Variants in DLGAP1 observed in about 807,000 individuals in gnomAD.
The protein encoded by DLGAP1 is DLG associated protein 1.
DLGAP1 carries 11 observed loss-of-function variants against 90.8 expected under a neutral mutation model. The observed-to-expected ratio is 0.12, with a 90% CI of 0.08 to 0.20. The LOEUF is 0.20. Ranked by LOEUF, DLGAP1 falls within the 10% of genes least tolerant of loss-of-function variation. The pLI is 1.00. For missense variants in DLGAP1, 1,050 were observed against 1,333.8 expected (o/e 0.79, Z 3.31); for synonymous variants, 558 against 540.7 (o/e 1.03, Z -0.44).
intron 9 of DLGAP1, among the ~76,000 whole-genome samples, chr18:3,544,445 C>A (rs2052893874): frequency 6.6e-6 from 1 of 151,980 alleles, no homozygotes; most frequent in Middle Eastern, 3.2e-3. Context: ...AGCAGTCATG[C>A]CCTATAAGAA....
chr18:3,514,537 T>A (rs2050719860), intron 10 of DLGAP1, among the ~76,000 whole-genome samples: 1 of 152,192 alleles, frequency 6.6e-6, no homozygotes. Context: ...GTATGTTTCA[T>A]TTTAGTCTAA....
rs1461420535 is a variant in DLGAP1 at position 4,203,889 on chromosome 18, CGAG to C, written c.-266-52605_-266-52603del. 4.6e-5 allele frequency among the ~76,000 whole-genome samples: 7 copies of C among 152,260 alleles called. No homozygotes were observed. The East Asian group carries it at 1.4e-3, about 29-fold the overall frequency. On this transcript the variant is annotated intron_variant, in intron 1 of 12. Coordinates refer to ENST00000315677, the MANE Select transcript of DLGAP1 (RefSeq NM_004746.4). Reference sequence around the variant, plus strand: ...CAGAAGAGCAGCTTCCTACTCAGCCCGAGGAGGTCAGAAAGAACTCAGAAGAGG... The same window carrying C: ...CAGAAGAGCAGCTTCCTACTCAGCCCGAGGTCAGAAAGAACTCAGAAGAGG...
At chr18:4,244,767 T>C (rs2078619269) in intron 1 of DLGAP1, among the ~76,000 whole-genome samples, 1 of 152,210 alleles carries the variant, frequency 6.6e-6, no homozygotes. Context: ...GGATATAGGA[T>C]GGAATTGCTT....
intron 4 of DLGAP1, chr18:3,821,765 G>T (rs1220109748): frequency 2.1e-5 from 7 of 340,566 alleles, no homozygotes; most frequent in Non-Finnish European, 2.9e-5. Flanking sequence ...CATCCCAACA[G>T]CGTTTTAGCA....
At chr18:3,927,631 CTGAAAACAGAAACCTA>C in intron 3 of DLGAP1, among the ~76,000 whole-genome samples, 1 of 152,088 alleles carries the variant, frequency 6.6e-6, no homozygotes, top group Non-Finnish European at 1.5e-5. Context: ...AGTTTTGATG[CTGAAAACAGAAACCTA>C]TATCTGCTAG....
intron 1 of DLGAP1, among the ~76,000 whole-genome samples, chr18:4,213,587 T>G (rs1235203432): frequency 6.6e-6 from 1 of 152,154 alleles, no homozygotes; most frequent in Non-Finnish European, 1.5e-5. Flanking sequence ...CTTGGACATT[T>G]TATATCAGAA....
rs373939141 is a variant in DLGAP1, at chr18:3,567,471, T to G, written c.2057+19A>C. ...TTCAAAACATCAAGACAAAAGAGGA[T>G]GCGTGCATGTGGACTTACCACTTCT... On this transcript the variant is annotated intron_variant, in intron 9 of 12. Coordinates refer to ENST00000315677, the MANE Select transcript of DLGAP1 (RefSeq NM_004746.4). The G allele has an allele frequency of 1.9e-6, 3 of 1,594,582 alleles. No homozygotes were observed. Among genetic ancestry groups the G allele is most frequent in the Admixed American group, 1.7e-5 (1 of 59,066 alleles).
intron 1 of DLGAP1, among the ~76,000 whole-genome samples, chr18:4,204,971 C>T (rs541729143): frequency 1.8e-4 from 27 of 151,696 alleles, no homozygotes; most frequent in Admixed American, 1.2e-3. Flanking sequence ...ATCCATCATA[C>T]ATAATAATTT....
intron 7 of DLGAP1, among the ~76,000 whole-genome samples, chr18:3,637,993 C>A (rs1396680157): frequency 9.4e-5 from 13 of 138,192 alleles, no homozygotes; most frequent in African/African-American, 3.6e-4. Context: ...GTTGCCCAGG[C>A]TGGAATGCAG....
chr18:3,568,041 G>A (rs997327461), intron 8 of DLGAP1, among the ~76,000 whole-genome samples: 1 of 152,090 alleles, frequency 6.6e-6, no homozygotes, highest in Admixed American at 6.6e-5. Flanking sequence ...TGAGATTACA[G>A]GTGTGTGCCA....
At chr18:3,961,247 C>T (rs1297926516) in intron 3 of DLGAP1, among the ~76,000 whole-genome samples, 1 of 152,154 alleles carries the variant, frequency 6.6e-6, no homozygotes, top group Non-Finnish European at 1.5e-5. Flanking sequence ...GTACACACCT[C>T]CTTTGGGCCA....
chr18:4,054,998 G>A (rs143216620), intron 2 of DLGAP1, among the ~76,000 whole-genome samples: 113 of 152,208 alleles, frequency 7.4e-4, no homozygotes, highest in African/African-American at 2.2e-3. Flanking sequence ...ATTATTTTGC[G>A]TGCTTTGGGA....
chr18:4,026,411 T>G (rs1160691095), intron 2 of DLGAP1, among the ~76,000 whole-genome samples: 1 of 152,116 alleles, frequency 6.6e-6, no homozygotes, highest in Non-Finnish European at 1.5e-5. Context: ...TCTGCTCCAG[T>G]TTAGAAGGGG....
Position 3,991,702 on chromosome 18 carries a change from C to T in DLGAP1, c.-73+13414G>A, listed in dbSNP as rs2073971893. Among the ~76,000 whole-genome samples the T allele has an allele frequency of 3.3e-5, 5 of 152,192 alleles. No individual in the cohort carries two copies. The South Asian group carries it at 8.3e-4, about 25-fold the overall frequency. Reference sequence around the variant, plus strand: ...ATACACAATGCATGTTTCAGACATTCCTGCTTTAATATGTTAATATCTCAC... The same window carrying T: ...ATACACAATGCATGTTTCAGACATTTCTGCTTTAATATGTTAATATCTCAC... On this transcript the variant is annotated intron_variant, in intron 3 of 12. Transcript: ENST00000315677.
At chr18:4,202,937 G>A (rs1040873288) in intron 1 of DLGAP1, among the ~76,000 whole-genome samples, 1 of 152,078 alleles carries the variant, frequency 6.6e-6, no homozygotes. Context: ...GATAAACACA[G>A]GCAGATTTTC....
chr18:3,541,092 C>T (rs888845134), intron 9 of DLGAP1, among the ~76,000 whole-genome samples: 2 of 152,130 alleles, frequency 1.3e-5, no homozygotes, highest in African/African-American at 2.4e-5. Flanking sequence ...GCTACTGACC[C>T]GAGGTAACTA....
intron 2 of DLGAP1, among the ~76,000 whole-genome samples, chr18:4,071,498 G>A (rs969104250): frequency 2.0e-5 from 3 of 152,082 alleles, no homozygotes; most frequent in Admixed American, 2.0e-4. Context: ...CCAAATCTCC[G>A]ACTTCCCAGG....
At chr18:3,720,092 T>C (rs1461843369) in intron 7 of DLGAP1, among the ~76,000 whole-genome samples, 2 of 152,194 alleles carry the variant, frequency 1.3e-5, no homozygotes, top group African/African-American at 4.8e-5. Flanking sequence ...CAATGTCAAG[T>C]GTAATAATAT....
intron 2 of DLGAP1, among the ~76,000 whole-genome samples, chr18:4,143,399 C>T (rs1440458357): frequency 2.0e-5 from 3 of 151,760 alleles, no homozygotes; most frequent in Non-Finnish European, 4.4e-5. Flanking sequence ...CCACCACTGC[C>T]CAAGGCCCGT....
Sources: allele counts gnomAD v4.1 joint callset (sites outside exome capture counted in the v4.1 genomes callset), GRCh38; gene constraint gnomAD v4.1.1; transcripts MANE v1.5; gene names NCBI Gene and HGNC (gene_info 2026-07-23, HGNC 2026-07-21).